The following WASHC5 variants were observed in gnomAD, a reference collection of about 807,000 sequenced individuals.
WASHC5 encodes the protein WASH complex subunit strumpellin.
WASHC5 carries 101 observed loss-of-function variants against 150.4 expected under a neutral mutation model. The observed-to-expected ratio is 0.67, with a 90% CI of 0.57 to 0.79. The LOEUF (loss-of-function observed/expected upper bound fraction) is 0.79, where lower values mean the gene tolerates loss of function less well. Ranked by LOEUF, WASHC5 falls within the 30% of genes least tolerant of loss-of-function variation. The probability of loss-of-function intolerance (pLI) is 0.00; values close to 1 mark genes in which losing one functional copy is unlikely to be tolerated. For missense variants in WASHC5, 1,195 were observed against 1,396.3 expected (o/e 0.86, Z 2.30); for synonymous variants, 467 against 491.2 (o/e 0.95, Z 0.65).
chr8:125,037,709 G>A (rs1193411316), intron 25 of WASHC5, among the ~76,000 whole-genome samples: 1 of 152,046 alleles, frequency 6.6e-6, no homozygotes, highest in African/African-American at 2.4e-5. Context: ...GTGGGAGAGA[G>A]AAGAGAGAGA....
At chr8:125,080,501 CG>C (rs1168311534) in intron 5 of WASHC5, among the ~76,000 whole-genome samples, 1 of 144,900 alleles carries the variant, frequency 6.9e-6, no homozygotes, top group African/African-American at 2.9e-5. Context: ...CTGGTATTGC[CG>C]AAAAGTATAA....
At chr8:125,061,543 C>T (rs560130642) in intron 11 of WASHC5, among the ~76,000 whole-genome samples, 56 of 152,146 alleles carry the variant, frequency 3.7e-4, no homozygotes, top group Non-Finnish European at 7.1e-4. Context: ...AAGTAAAGAT[C>T]AGATCATCGG....
chr8:125,024,974 C>T (rs1815335407), intron 28 of WASHC5, among the ~76,000 whole-genome samples: 1 of 152,038 alleles, frequency 6.6e-6, no homozygotes, highest in South Asian at 2.1e-4. Context: ...CTGGGAAGTA[C>T]TGACAAGTAC....
intron 25 of WASHC5, 28 bp from the exon 26 acceptor site, chr8:125,037,361 A>G (rs778102551): frequency 6.1e-6 from 8 of 1,314,016 alleles, no homozygotes; most frequent in African/African-American, 1.4e-5. Context: ...AGAAAAATAG[A>G]TGGTTAAATC....
intron 26 of WASHC5, chr8:125,032,629 C>T (rs1457318619): frequency 1.8e-6 from 1 of 544,310 alleles, no homozygotes; most frequent in Non-Finnish European, 3.3e-6. Context: ...TTGTAATTAT[C>T]ATTACTGGTT....
At position 125,024,471 on chromosome 8, in the gene WASHC5, T is replaced by A; in HGVS notation, c.*146A>T. The A allele has an allele frequency of 2.8e-6, 2 of 710,868 alleles. No homozygotes were observed. The highest frequency in any genetic ancestry group is 3.0e-5 in the South Asian group (2 of 65,890). 44.0% of individuals were successfully genotyped at this position (710,868 alleles called of 1,614,324 possible). On this transcript the variant is annotated 3_prime_UTR_variant, in exon 29 of 29. Coordinates refer to ENST00000318410, the MANE Select transcript of WASHC5 (RefSeq NM_014846.4). ...ATATTAACTAATGCCATGAGATATA[T>A]CTTACTCAGAACGTCTGATGTTTCC...
chr8:125,090,354 G>A (rs1014964665), intron 1 of WASHC5, among the ~76,000 whole-genome samples: 7 of 152,184 alleles, frequency 4.6e-5, no homozygotes, highest in South Asian at 2.1e-4. Flanking sequence ...AAAGTGTTAA[G>A]ACTCAGCTAA....
At chr8:125,045,204 C>T (rs944042726) in intron 20 of WASHC5, among the ~76,000 whole-genome samples, 9 of 152,218 alleles carry the variant, frequency 5.9e-5, no homozygotes, top group African/African-American at 2.2e-4. Context: ...TTGTAGATGC[C>T]ATCTTCTGGT....
chr8:125,061,756 TAGAG>T (rs1009162842), intron 11 of WASHC5, among the ~76,000 whole-genome samples: 3 of 152,044 alleles, frequency 2.0e-5, no homozygotes, highest in Admixed American at 6.6e-5. Flanking sequence ...TTTCATACAG[TAGAG>T]AAAGAGAAGG....
intron 27 of WASHC5, among the ~76,000 whole-genome samples, chr8:125,031,359 T>TGAGGCCTCCTGGGTTCAAG (rs1369976867): frequency 2.0e-5 from 3 of 152,082 alleles, no homozygotes; most frequent in African/African-American, 7.2e-5. Context: ...ACTGCACCTC[T>TGAGGCCTCCTGGGTTCAAG]GAGGCCTCCT....
intron 15 of WASHC5, 146 bp from the exon 16 acceptor site, chr8:125,056,963 G>T: frequency 1.2e-6 from 1 of 864,672 alleles, no homozygotes. Context: ...CAGGCACAGG[G>T]CTCCATTCCT....
At position 125,056,778 on chromosome 8, in the gene WASHC5, G is replaced by T. The variant is rs774983563; in HGVS notation, c.1915C>A (p.Leu639Ile). ...IIPESMFTSL[L>I]KIIKLQTHDI... ...TGGGTCTGAAGCTTTATGATCTTTA[G>T]AAGAGATGTAAACATGCTTTCTGGG... Residue 639 changes from leucine (L) to isoleucine (I), a missense_variant, in exon 16 of 29, where the codon CTA (leucine) becomes ATA (isoleucine). This residue lies in a region of WASHC5 where 997 missense variants were observed against 1,168.1 expected (regional missense o/e 0.85). Transcript: ENST00000318410. 6.2e-7 allele frequency: 1 copy of T among 1,614,172 alleles called. No individual in the cohort carries two copies. Among genetic ancestry groups the T allele is most frequent in the South Asian group, 1.1e-5 (1 of 91,082 alleles).
At chr8:125,029,273 T>G (rs916200412) in intron 27 of WASHC5, among the ~76,000 whole-genome samples, 1 of 152,194 alleles carries the variant, frequency 6.6e-6, no homozygotes, top group African/African-American at 2.4e-5. Context: ...CCTCAGGTGA[T>G]CCACCCGCCC....
intron 7 of WASHC5, among the ~76,000 whole-genome samples, chr8:125,075,816 A>G (rs1817043990): frequency 6.6e-6 from 1 of 152,224 alleles, no homozygotes; most frequent in Non-Finnish European, 1.5e-5. Context: ...GTTTTCATAT[A>G]TTTCATTTCA....
intron 19 of WASHC5, among the ~76,000 whole-genome samples, chr8:125,048,360 CT>C (rs981305191): frequency 4.1e-4 from 62 of 152,080 alleles, no homozygotes; most frequent in Non-Finnish European, 7.6e-4. Flanking sequence ...ATTTGGTATT[CT>C]TTTTTTACCC....
At chr8:125,083,337 T>C in intron 2 of WASHC5, 79 bp from the exon 3 acceptor site, 1 of 1,401,754 alleles carries the variant, frequency 7.1e-7, no homozygotes, top group South Asian at 1.2e-5. Flanking sequence ...TTTTAAAAAT[T>C]TGTTCTTATG....
At chr8:125,038,397 C>T (rs1472385987) in intron 25 of WASHC5, among the ~76,000 whole-genome samples, 4 of 152,154 alleles carry the variant, frequency 2.6e-5, no homozygotes, top group Non-Finnish European at 5.9e-5. Context: ...TATGAAAAAA[C>T]TTTCAGTTCT....
chr8:125,070,886 A>T (rs1176564647), intron 9 of WASHC5, among the ~76,000 whole-genome samples: 1 of 152,260 alleles, frequency 6.6e-6, no homozygotes, highest in Non-Finnish European at 1.5e-5. Flanking sequence ...ACGAAGGATG[A>T]GGAAGTCCAA....
intron 12 of WASHC5, among the ~76,000 whole-genome samples, chr8:125,059,762 C>T (rs886323486): frequency 6.6e-6 from 1 of 152,150 alleles, no homozygotes; most frequent in African/African-American, 2.4e-5. Context: ...TATATCACAA[C>T]CATGTGTTGG....
Sources: allele counts gnomAD v4.1 joint callset (sites outside exome capture counted in the v4.1 genomes callset), GRCh38; gene constraint gnomAD v4.1.1; regional missense constraint gnomAD v4.1.1; transcripts MANE v1.5; gene names NCBI Gene and HGNC (gene_info 2026-07-23, HGNC 2026-07-21).